EHD4: variants seen among roughly 807,000 people sequenced by gnomAD.
EHD4 encodes the protein EH domain containing 4, also known as EH domain-containing protein 4.
EHD4 carries 37 observed loss-of-function variants against 51.0 expected under a neutral mutation model. The observed-to-expected ratio is 0.73, with a 90% CI of 0.56 to 0.95. The LOEUF (loss-of-function observed/expected upper bound fraction) is 0.95, where lower values mean the gene tolerates loss of function less well. Among genes scored for constraint, EHD4 ranks in the 40% least tolerant of loss-of-function variants. The probability of loss-of-function intolerance (pLI) is 0.00; values close to 1 mark genes in which losing one functional copy is unlikely to be tolerated. For synonymous variants in EHD4, 297 were observed against 317.3 expected, an observed-to-expected ratio of 0.94 and a Z score of 0.68; for missense variants, 632 against 733.1, an observed-to-expected ratio of 0.86 and a Z score of 1.59.
chr15:41,900,475 GA>G lies in EHD4; in HGVS notation c.*169del. The G allele has an allele frequency of 4.6e-6, 3 of 653,364 alleles. No individual in the cohort carries two copies. Among genetic ancestry groups the G allele is most frequent in the Non-Finnish European group, 5.1e-6 (2 of 391,932 alleles). The allele number at this position is 653,364 out of a possible 1,614,324, so 40.5% of individuals were successfully genotyped here. A position where few individuals can be genotyped will look rare whatever the true frequency, so the allele number is the denominator to read the frequency against. On this transcript the variant is annotated 3_prime_UTR_variant, in exon 6 of 6. Coordinates refer to ENST00000220325, the MANE Select transcript of EHD4 (RefSeq NM_139265.4). This position sits in a 1 kb window ranked among gnomAD's most constrained non-coding sequence, Gnocchi z 4.8. ...TTTCATAGAAACTAAGGGAATTTTG[GA>G]GGTGAAAGAAGTCATCTAGTTTCCA... is the stretch of plus-strand genomic sequence containing the variant.
At chr15:41,925,574 C>A (rs1411703571) in intron 3 of EHD4, among the ~76,000 whole-genome samples, 2 of 152,198 alleles carry the variant, frequency 1.3e-5, no homozygotes, top group Non-Finnish European at 2.9e-5. Flanking sequence ...AACACTTATT[C>A]ATGCAATTAA....
intron 5 of EHD4, among the ~76,000 whole-genome samples, chr15:41,903,453 TACACACACACACAC>T (rs146543286): frequency 1.6e-3 from 235 of 144,492 alleles, no homozygotes; most frequent in Middle Eastern, 7.0e-3. Flanking sequence ...TTAACATACA[TACACACACACACAC>T]ACACACACAC....
rs1271100510 is a variant in EHD4, at chr15:41,938,782, T to C, written c.511+4285A>G. On this transcript the variant is annotated intron_variant, in intron 3 of 5. Transcript: ENST00000220325. ...AAGAAACCATAGGAATAATCTGTGG[T>C]TAAAACAGCACCTTGAAAATGCCAA... 2.6e-5 allele frequency among the ~76,000 whole-genome samples: 4 copies of C among 152,216 alleles called. No homozygotes were observed. In the East Asian group the frequency reaches 7.7e-4, roughly 29 times the overall value.
rs2140979576 is a variant in EHD4, at chr15:41,899,433, C to A, written c.*1212G>T. On this transcript the variant is annotated 3_prime_UTR_variant, in exon 6 of 6. Transcript: ENST00000220325. ...TGATGGGCATTCATGATACGAACCA[C>A]ACAGCCTTTAAAGAAAAGGTTTTAT... 1 of 151,872 alleles carries A rather than the reference C, an allele frequency of 6.6e-6. No homozygotes were observed. The highest frequency in any genetic ancestry group is 2.4e-5 in the African/African-American group (1 of 41,354). 9.4% of individuals were successfully genotyped at this position (151,872 alleles called of 1,614,324 possible). A position where few individuals can be genotyped will look rare whatever the true frequency, so the allele number is the denominator to read the frequency against.
chr15:41,908,482 A>G (rs1212795969), intron 5 of EHD4: 1 of 152,092 alleles, frequency 6.6e-6, no homozygotes, highest in Non-Finnish European at 1.5e-5. Flanking sequence ...GCTGGCTTCA[A>G]TGCTGTCACT....
chr15:41,901,001 G>A lies in EHD4; in HGVS notation c.1270C>T (p.Pro424Ser). Residue 424 changes from proline to serine, a missense_variant, in exon 6 of 6, where the codon CCC becomes TCC. By Grantham distance (74) the Pro-to-Ser change is moderately conservative. Coordinates refer to ENST00000220325, the MANE Select transcript of EHD4 (RefSeq NM_139265.4). ...CCCTCCCCGTAGCCCTGGTTGAAGG[G>A]GCCCTCGGTGGTGCCATCGAAGGCG... Reference protein sequence around the residue: ...GGAFDGTTEGPFNQGYGEGAK... With the variant: ...GGAFDGTTEGSFNQGYGEGAK... 2 of 1,608,420 alleles carry A rather than the reference G, an allele frequency of 1.2e-6. No homozygotes were observed. The highest frequency in any genetic ancestry group is 1.1e-5 in the South Asian group (1 of 90,790).
At chr15:41,919,790 C>T (rs1417541346) in intron 3 of EHD4, among the ~76,000 whole-genome samples, 168 bp from the exon 4 acceptor site, 11 of 152,112 alleles carry the variant, frequency 7.2e-5, no homozygotes, top group African/African-American at 1.7e-4. Flanking sequence ...TGGATGAATC[C>T]GGGTGGGAAG....
At chr15:41,907,822 C>A (rs2067522111) in intron 5 of EHD4, among the ~76,000 whole-genome samples, 1 of 127,404 alleles carries the variant, frequency 7.8e-6, no homozygotes, top group African/African-American at 3.0e-5. Context: ...TGCGCCCAGG[C>A]TCTGTGTGTG....
chr15:41,930,717 C>G (rs1020045260), intron 3 of EHD4, among the ~76,000 whole-genome samples: 2 of 152,176 alleles, frequency 1.3e-5, no homozygotes, highest in African/African-American at 4.8e-5. Flanking sequence ...ATCAGCTAAC[C>G]AGCTCCTCAA....
At position 41,900,888 on chromosome 15, in the gene EHD4, G is replaced by A. The variant is rs989730771; in HGVS notation, c.1383C>T (p.Ile461=). The change falls in exon 6 of 6, where the codon ATC becomes ATT. Residue 461 remains isoleucine (I), a synonymous_variant. Transcript: ENST00000220325. This position sits in a 1 kb window ranked among gnomAD's most constrained non-coding sequence, Gnocchi z 4.8. ...YDELFYTLSP[I]NGKISGVNAK... The stretch of plus-strand genomic sequence containing the variant: ...CGTTGACACCTGATATCTTGCCATT[G>A]ATGGGCGACAGAGTGTAGAAGAGCT... 2 of 1,614,056 alleles carry A rather than the reference G, an allele frequency of 1.2e-6. No individual in the cohort carries two copies. Among genetic ancestry groups the A allele is most frequent in the African/African-American group, 1.3e-5 (1 of 74,922 alleles).
chr15:41,930,934 A>G (rs1001570256), intron 3 of EHD4, among the ~76,000 whole-genome samples: 1 of 152,256 alleles, frequency 6.6e-6, no homozygotes, highest in Admixed American at 6.5e-5. Flanking sequence ...AAAAAGGTAT[A>G]CATGAAAAGA....
chr15:41,902,001 C>T (rs995454987), intron 5 of EHD4, among the ~76,000 whole-genome samples: 31 of 152,046 alleles, frequency 2.0e-4, no homozygotes, highest in Admixed American at 1.2e-3. Flanking sequence ...CTGGGGAGCA[C>T]GAGGGAATAA....
Position 41,947,397 on chromosome 15 carries a change from G to T in EHD4, c.414-4233C>A, listed in dbSNP as rs567789772. The stretch of plus-strand genomic sequence containing the variant: ...ATTCTGAGACCTTGACCTTGCACAG[G>T]TCTCTAAACCTCTCTGAGCAATTCT... On this transcript the variant is annotated intron_variant, in intron 2 of 5. Coordinates refer to ENST00000220325, the MANE Select transcript of EHD4 (RefSeq NM_139265.4). 7.9e-5 allele frequency among the ~76,000 whole-genome samples: 12 copies of T among 152,290 alleles called. No homozygotes were observed. The East Asian group carries it at 2.3e-3, about 29-fold the overall frequency.
intron 2 of EHD4, among the ~76,000 whole-genome samples, chr15:41,949,400 A>C (rs961641277): frequency 3.9e-5 from 6 of 152,056 alleles, no homozygotes; most frequent in African/African-American, 1.2e-4. Flanking sequence ...ATAAAATCAA[A>C]ACTCAAAAGC....
chr15:41,969,895 G>A (rs1035978095), intron 1 of EHD4, among the ~76,000 whole-genome samples: 1 of 152,196 alleles, frequency 6.6e-6, no homozygotes, highest in African/African-American at 2.4e-5. Context: ...TGTGCAGGAA[G>A]CCAGGGAGAT....
chr15:41,908,544 A>G (rs1342006924), intron 5 of EHD4: 2 of 152,194 alleles, frequency 1.3e-5, no homozygotes, highest in African/African-American at 4.8e-5. Context: ...TGCAGCCCAT[A>G]TGCAGGTGGG....
At chr15:41,950,447 GTTACAT>G (rs1467753241) in intron 2 of EHD4, among the ~76,000 whole-genome samples, 1 of 152,242 alleles carries the variant, frequency 6.6e-6, no homozygotes, top group Admixed American at 6.5e-5. Flanking sequence ...TTTACTAGGT[GTTACAT>G]TTTGACCTAG....
intron 4 of EHD4, among the ~76,000 whole-genome samples, chr15:41,913,216 C>T (rs963771792): frequency 1.3e-5 from 2 of 152,190 alleles, no homozygotes; most frequent in East Asian, 1.9e-4. Context: ...GGTAAACAGA[C>T]GGGACAGCTT....
At position 41,943,125 on chromosome 15, in the gene EHD4, G is replaced by GCT; in HGVS notation, c.451_452dup (p.Ser151ArgfsTer72). ...TGCCGGGGCTGTCGATGACGCTGAT[G>GCT]CTCTTCAGGACCTGATTGGGGAGCT... On this transcript the variant is annotated frameshift_variant, in exon 3 of 6. Transcript: ENST00000220325. LOFTEE classifies it high-confidence loss of function. 6.3e-7 allele frequency: 1 copy of GCT among 1,594,660 alleles called. No individual in the cohort carries two copies. Among genetic ancestry groups the GCT allele is most frequent in the Non-Finnish European group, 8.5e-7 (1 of 1,170,656 alleles).
Sources: allele counts gnomAD v4.1 joint callset (sites outside exome capture counted in the v4.1 genomes callset), GRCh38; gene constraint gnomAD v4.1.1; non-coding constraint Gnocchi (gnomAD v3.1); transcripts MANE v1.5; gene names NCBI Gene and HGNC (gene_info 2026-07-23, HGNC 2026-07-21).